SPNS2: variants seen among roughly 807,000 people sequenced by gnomAD.
The protein encoded by SPNS2 is sphingosine-1-phosphate transporter SPNS2.
Under a neutral mutation model 57.6 loss-of-function variants are expected in SPNS2, and 37 were observed. That is an observed-to-expected ratio of 0.64 (90% CI 0.49 to 0.85). The LOEUF is 0.85. Ranked by LOEUF, SPNS2 falls within the 40% of genes least tolerant of loss-of-function variation. The pLI, the probability that SPNS2 is intolerant of heterozygous loss-of-function variation, is 0.00. For synonymous variants in SPNS2, 440 were observed against 346.9 expected (o/e 1.27, Z -2.98); for missense variants, 831 against 779.1 (o/e 1.07, Z -0.79).
intron 2 of SPNS2, among the ~76,000 whole-genome samples, chr17:4,519,080 C>T (rs943464722): frequency 4.6e-5 from 7 of 152,168 alleles, no homozygotes; most frequent in Non-Finnish European, 8.8e-5. Flanking sequence ...GATGGCAGAG[C>T]CTGGCCCCCG....
chr17:4,530,153 G>GCCCCACT (rs370061088), intron 3 of SPNS2, among the ~76,000 whole-genome samples: 15 of 151,976 alleles, frequency 9.9e-5, no homozygotes, highest in Admixed American at 2.0e-4. Context: ...CCCTGCCAAC[G>GCCCCACT]CCCCACTCCC....
At chr17:4,503,119 A>G (rs1213297520) in intron 1 of SPNS2, among the ~76,000 whole-genome samples, 2 of 152,220 alleles carry the variant, frequency 1.3e-5, no homozygotes, top group Non-Finnish European at 2.9e-5. Flanking sequence ...AGATGGGAAC[A>G]CAGCCATCCA....
chr17:4,522,177 C>T (rs534882197), intron 2 of SPNS2, among the ~76,000 whole-genome samples: 2 of 152,220 alleles, frequency 1.3e-5, no homozygotes, highest in East Asian at 3.9e-4. Context: ...CCAGCCTGGG[C>T]GACAGAGCGA....
In SPNS2 at chr17:4,499,357, G is replaced by A. The variant is rs780941071; in HGVS notation, c.310G>A (p.Ala104Thr). 1 of 1,432,654 alleles carries A rather than the reference G, an allele frequency of 7.0e-7. No individual in the cohort carries two copies. The highest frequency in any genetic ancestry group is 9.1e-7 in the Non-Finnish European group (1 of 1,097,474). 88.7% of individuals were successfully genotyped at this position (1,432,654 alleles called of 1,614,324 possible). The change falls in exon 1 of 13, where the codon GCC (alanine) becomes ACC (threonine). Residue 104 changes from alanine (A) to threonine (T), a missense_variant. By Grantham distance (58) the Ala-to-Thr change is moderately conservative (BLOSUM62 0). This residue lies in a region of SPNS2 where 305 missense variants were observed against 378.3 expected (regional missense o/e 0.81). Coordinates refer to ENST00000329078, the MANE Select transcript of SPNS2 (RefSeq NM_001124758.3). This position sits in a 1 kb window ranked among gnomAD's most constrained non-coding sequence, Gnocchi z 5.2. The part of the protein sequence containing the change: ...PASLGRGRGA[A>T]AAILSLGNVL... The stretch of plus-strand genomic sequence containing the variant: ...CAGCTTGGGCCGCGGGCGGGGGGCA[G>A]CCGCCGCCATCCTCAGCTTGGGCAA...
chr17:4,536,547 C>A, intron 11 of SPNS2, 121 bp downstream of exon 11: 9 of 1,235,834 alleles, frequency 7.3e-6, no homozygotes, highest in Non-Finnish European at 9.9e-6. Context: ...ACTCAGTGCA[C>A]CCACTGGTTG....
At chr17:4,531,928 G>A (rs1047826376) in intron 5 of SPNS2, among the ~76,000 whole-genome samples, 1 of 152,150 alleles carries the variant, frequency 6.6e-6, no homozygotes, top group Non-Finnish European at 1.5e-5. Flanking sequence ...GCCTGCATCG[G>A]GCCCCCACCA....
rs1368117188 is a variant in SPNS2, at chr17:4,511,104, G to A, written c.371-2143G>A. Among the ~76,000 whole-genome samples the A allele has an allele frequency of 1.3e-5, 2 of 152,184 alleles. No homozygotes were observed. Among genetic ancestry groups the A allele is most frequent in the African/African-American group, 2.4e-5 (1 of 41,434 alleles). On this transcript the variant is annotated intron_variant, in intron 1 of 12. Transcript: ENST00000329078. This position sits in a 1 kb window ranked among gnomAD's most constrained non-coding sequence, Gnocchi z 4.6. Reference sequence around the variant, plus strand: ...AACTTAGCGGGAAGCGGTAACTAGCGGCTCTCAGCTCAGGAGGAGCTCATA... The same window carrying A: ...AACTTAGCGGGAAGCGGTAACTAGCAGCTCTCAGCTCAGGAGGAGCTCATA...
intron 1 of SPNS2, among the ~76,000 whole-genome samples, chr17:4,501,570 C>G (rs528777181): frequency 1.3e-5 from 2 of 152,312 alleles, no homozygotes; most frequent in South Asian, 2.1e-4. Context: ...TCACACACCA[C>G]CCCACCCCCA....
At chr17:4,520,229 G>A (rs1236138568) in intron 2 of SPNS2, among the ~76,000 whole-genome samples, 1 of 152,220 alleles carries the variant, frequency 6.6e-6, no homozygotes, top group South Asian at 2.1e-4. Flanking sequence ...GCTGGGGCCG[G>A]TGGGTGGGGA....
At chr17:4,503,161 G>C (rs2325995) in intron 1 of SPNS2, among the ~76,000 whole-genome samples, 33,434 of 152,244 alleles carry the variant, frequency 0.22, 4,887 homozygotes, top group East Asian at 0.64. Flanking sequence ...AGGTCACACG[G>C]GGGGCGGAGC....
intron 5 of SPNS2, 96 bp from the exon 6 acceptor site, chr17:4,532,446 G>A: frequency 1.3e-6 from 2 of 1,561,098 alleles, no homozygotes; most frequent in Non-Finnish European, 1.8e-6. Context: ...AGAAGCCTAT[G>A]GCCCAGAGAA....
At chr17:4,516,185 A>G (rs1315536657) in intron 2 of SPNS2, among the ~76,000 whole-genome samples, 1 of 152,018 alleles carries the variant, frequency 6.6e-6, no homozygotes, top group Non-Finnish European at 1.5e-5. Flanking sequence ...GTGGTGGTGG[A>G]TGCCTGTAAT....
intron 2 of SPNS2, among the ~76,000 whole-genome samples, chr17:4,516,596 G>A (rs533727045): frequency 2.6e-5 from 3 of 114,586 alleles, no homozygotes; most frequent in Admixed American, 1.0e-4. Flanking sequence ...AGCTCTGGCC[G>A]GTGGCCGCGG....
chr17:4,535,578 G>A (rs537053192), intron 9 of SPNS2, among the ~76,000 whole-genome samples: 5 of 152,338 alleles, frequency 3.3e-5, no homozygotes, highest in African/African-American at 7.2e-5. Flanking sequence ...CAGCATGGCC[G>A]TTCCTGATGG....
At position 4,536,191 on chromosome 17, in the gene SPNS2, T is replaced by G. The variant is rs763636452; in HGVS notation, c.1443+17T>G. 1.2e-6 allele frequency: 2 copies of G among 1,608,174 alleles called. No homozygotes were observed. The highest frequency in any genetic ancestry group is 1.3e-5 in the African/African-American group (1 of 74,574). ...ATTGGCTTTGTGAGTAGCCCCGGGG[T>G]GGGGCTGGCCAGGGCAGGCTGGGGG... On this transcript the variant is annotated intron_variant, in intron 10 of 12. Coordinates refer to ENST00000329078, the MANE Select transcript of SPNS2 (RefSeq NM_001124758.3).
Position 4,537,855 on chromosome 17 carries a change from G to C in SPNS2, c.*407G>C, listed in dbSNP as rs564218491. On this transcript the variant is annotated 3_prime_UTR_variant, in exon 13 of 13. Coordinates refer to ENST00000329078, the MANE Select transcript of SPNS2 (RefSeq NM_001124758.3). ...CCACACAACTTGCTGGGCAAAGCACGATCTGCAGCTTTGAAGACTCAACAG... is the reference window on the plus strand; with the variant it reads ...CCACACAACTTGCTGGGCAAAGCACCATCTGCAGCTTTGAAGACTCAACAG... 12 of 453,634 alleles carry C rather than the reference G, an allele frequency of 2.6e-5. No homozygotes were observed. Among genetic ancestry groups the C allele is most frequent in the African/African-American group, 2.0e-4 (10 of 50,028 alleles). The allele number at this position is 453,634 out of a possible 1,614,324, so 28.1% of individuals were successfully genotyped here.
chr17:4,508,389 TG>T (rs1251380771), intron 1 of SPNS2, among the ~76,000 whole-genome samples: 3 of 152,226 alleles, frequency 2.0e-5, no homozygotes, highest in African/African-American at 7.2e-5. Flanking sequence ...TCTGCAGATT[TG>T]GGGAGGGCCC....
At chr17:4,521,617 T>G (rs1905139668) in intron 2 of SPNS2, among the ~76,000 whole-genome samples, 1 of 152,260 alleles carries the variant, frequency 6.6e-6, no homozygotes, top group Non-Finnish European at 1.5e-5. Context: ...ATTTCAGGAA[T>G]GGTGTGTGAG....
intron 2 of SPNS2, among the ~76,000 whole-genome samples, chr17:4,514,483 C>T (rs766868307): frequency 1.3e-5 from 2 of 152,258 alleles, no homozygotes; most frequent in Non-Finnish European, 2.9e-5. Flanking sequence ...ACTCCCCCCA[C>T]CTCCCTTCCT....
Sources: gnomAD v4.1 joint callset for allele counts (sites outside exome capture counted in the v4.1 genomes callset) on GRCh38, gnomAD v4.1.1 for gene constraint, gnomAD v4.1.1 regional missense constraint, Gnocchi (gnomAD v3.1) non-coding constraint, MANE v1.5 for transcripts, NCBI Gene and HGNC (gene_info 2026-07-23, HGNC 2026-07-21) for gene names.